Variants in HNF4A observed in about 807,000 individuals in gnomAD.
The protein encoded by HNF4A is hepatocyte nuclear factor 4 alpha.
A neutral mutation model predicts 52.4 loss-of-function variants in HNF4A; 15 were observed. The ratio of observed to expected loss-of-function variants is 0.29; its 90% CI spans 0.19 to 0.44. HNF4A has a LOEUF of 0.44. Ranked by LOEUF, HNF4A falls within the 20% of genes least tolerant of loss-of-function variation. The probability of loss-of-function intolerance (pLI) is 1.00; values close to 1 mark genes in which losing one functional copy is unlikely to be tolerated. For missense variants in HNF4A, 479 were observed against 647.2 expected (o/e 0.74, Z 2.82); for synonymous variants, 280 against 264.4 (o/e 1.06, Z -0.57).
At chr20:44,396,349 T>C (rs564691215), upstream of HNF4A, among the ~76,000 whole-genome samples, 1 of 152,290 alleles carries the variant, frequency 6.6e-6, no homozygotes, top group East Asian at 1.9e-4. Flanking sequence ...CTTATTATAA[T>C]GTAAAAGAGA....
At chr20:44,417,923 C>T (rs975392388) in intron 5 of HNF4A, among the ~76,000 whole-genome samples, 5 of 149,266 alleles carry the variant, frequency 3.3e-5, no homozygotes, top group African/African-American at 1.2e-4. Flanking sequence ...GAGCCGAGAT[C>T]ATGCCACTGC....
At chr20:44,365,029 G>C in intron 1 of HNF4A, among the ~76,000 whole-genome samples, 1 of 152,220 alleles carries the variant, frequency 6.6e-6, no homozygotes, top group Non-Finnish European at 1.5e-5. Context: ...GTTTGTAAAG[G>C]GGAGCGTGAA....
chr20:44,434,244 G>A (rs1336635517), downstream of HNF4A: 1 of 152,206 alleles, frequency 6.6e-6, no homozygotes, highest in African/African-American at 2.4e-5. Context: ...TCTCCCTCCA[G>A]GGCAGATGTC....
intron 7 of HNF4A, among the ~76,000 whole-genome samples, chr20:44,420,536 T>A (rs1983743): frequency 0.42 from 63,363 of 151,974 alleles, 14,491 homozygotes; most frequent in Middle Eastern, 0.57. Context: ...TCCCAGCACT[T>A]TGGGAGGCAG....
chr20:44,381,128 G>A (rs1347274452), intron 1 of HNF4A, among the ~76,000 whole-genome samples: 2 of 152,086 alleles, frequency 1.3e-5, no homozygotes, highest in African/African-American at 4.8e-5. Flanking sequence ...TTCCAATGAC[G>A]GAATACTCAC....
chr20:44,399,990 A>T (rs1470060739), upstream of HNF4A, among the ~76,000 whole-genome samples: 2 of 152,134 alleles, frequency 1.3e-5, no homozygotes, highest in African/African-American at 4.8e-5. Context: ...TGCCTTCTAC[A>T]TCAAGACTTT....
intron 1 of HNF4A, chr20:44,402,734 C>T: frequency 1.4e-6 from 1 of 710,382 alleles, no homozygotes; most frequent in Non-Finnish European, 2.2e-6. Context: ...GGGCAGGCAG[C>T]TGGCTGAGGT....
At chr20:44,380,019 A>G (rs2063135668) in intron 1 of HNF4A, among the ~76,000 whole-genome samples, 1 of 152,096 alleles carries the variant, frequency 6.6e-6, no homozygotes, top group South Asian at 2.1e-4. Context: ...GGCGTGAGCC[A>G]CTGTGCCTGG....
intron 1 of HNF4A, among the ~76,000 whole-genome samples, chr20:44,393,564 A>T (rs1488196876): frequency 6.6e-6 from 1 of 152,174 alleles, no homozygotes; most frequent in Non-Finnish European, 1.5e-5. Flanking sequence ...CAGCTGTGTG[A>T]GCATGGGTAT....
At chr20:44,387,272 G>A (rs1341742393) in intron 1 of HNF4A, among the ~76,000 whole-genome samples, 6 of 117,394 alleles carry the variant, frequency 5.1e-5, no homozygotes, top group Non-Finnish European at 8.3e-5. Flanking sequence ...TGAGTGACAA[G>A]AGCGAAACTT....
intron 1 of HNF4A, among the ~76,000 whole-genome samples, chr20:44,357,635 T>G (rs1222800758): frequency 1.3e-5 from 2 of 152,190 alleles, no homozygotes; most frequent in Non-Finnish European, 1.5e-5. Flanking sequence ...TCTCTGCTCC[T>G]GTGTCATACT....
chr20:44,365,489 A>C lies in HNF4A; in HGVS notation c.49+9636A>C, dbSNP rs560728505. On this transcript the variant is annotated intron_variant, in intron 1 of 9. Transcript: ENST00000316673. The stretch of plus-strand genomic sequence containing the variant: ...CTGGCCTTTACAATTTTTTACATAA[A>C]ATGTTTCAATAAAAAAGTGCATAGA... Among the ~76,000 whole-genome samples, 30 of 152,226 alleles carry C rather than the reference A, an allele frequency of 2.0e-4. No homozygotes were observed. In the South Asian group the frequency reaches 5.0e-3, roughly 25 times the overall value.
intron 2 of HNF4A, among the ~76,000 whole-genome samples, 156 bp downstream of exon 2, chr20:44,406,388 A>T (rs1475409971): frequency 6.6e-6 from 1 of 152,192 alleles, no homozygotes; most frequent in African/African-American, 2.4e-5. Flanking sequence ...TGAATCCAAG[A>T]AGAGCATCTA....
At chr20:44,412,532 G>A (rs995036289) in intron 3 of HNF4A, among the ~76,000 whole-genome samples, 6 of 152,258 alleles carry the variant, frequency 3.9e-5, no homozygotes, top group East Asian at 1.9e-4. Context: ...GGTGCGATCC[G>A]AGAGGAGAGG....
At chr20:44,396,366 G>A (rs1404332565), upstream of HNF4A, among the ~76,000 whole-genome samples, 1 of 152,140 alleles carries the variant, frequency 6.6e-6, no homozygotes, top group Admixed American at 6.5e-5. Context: ...GAGAAACAAT[G>A]TGGTTCGTAG....
intron 3 of HNF4A, among the ~76,000 whole-genome samples, chr20:44,411,197 G>A (rs1568727886): frequency 6.6e-6 from 1 of 152,136 alleles, no homozygotes; most frequent in African/African-American, 2.4e-5. Context: ...GGGGCCATCT[G>A]AAGAGGCCTT....
intron 7 of HNF4A, among the ~76,000 whole-genome samples, chr20:44,421,448 C>T (rs1036796711): frequency 6.6e-6 from 1 of 152,084 alleles, no homozygotes; most frequent in Non-Finnish European, 1.5e-5. Flanking sequence ...AATAGATTAC[C>T]TCTAGTAATA....
chr20:44,379,247 G>GCTATGAA, intron 1 of HNF4A, among the ~76,000 whole-genome samples: 1 of 152,246 alleles, frequency 6.6e-6, no homozygotes, highest in Non-Finnish European at 1.5e-5. Flanking sequence ...GAATAATGCT[G>GCTATGAA]CTATGAACTT....
At chr20:44,411,866 G>A (rs1568728530) in intron 3 of HNF4A, among the ~76,000 whole-genome samples, 2 of 151,648 alleles carry the variant, frequency 1.3e-5, no homozygotes, top group Non-Finnish European at 2.9e-5. Context: ...GACCAGCCTG[G>A]GCAACCTAAT....
Sources: gnomAD v4.1 joint callset for allele counts (sites outside exome capture counted in the v4.1 genomes callset) on GRCh38, gnomAD v4.1.1 for gene constraint, MANE v1.5 for transcripts, NCBI Gene and HGNC (gene_info 2026-07-23, HGNC 2026-07-21) for gene names.